TRAM2: variants seen among roughly 807,000 people sequenced by gnomAD.
TRAM2 encodes the protein translocating chain-associated membrane protein 2.
In TRAM2, 12 loss-of-function variants were observed where a neutral mutation model predicts 51.0. The observed-to-expected ratio is 0.24, with a 90% confidence interval of 0.15 to 0.38. The LOEUF is 0.38. Among genes scored for constraint, TRAM2 ranks in the 10% least tolerant of loss-of-function variants. The pLI is 1.00. For missense variants in TRAM2, 361 were observed against 462.0 expected (o/e 0.78, Z 2.00); for synonymous variants, 175 against 179.4 (o/e 0.98, Z 0.20).
chr6:52,539,208 CA>C (rs1043935877), intron 1 of TRAM2, among the ~76,000 whole-genome samples: 3 of 152,016 alleles, frequency 2.0e-5, no homozygotes, highest in African/African-American at 7.2e-5. Flanking sequence ...CAGAAAAATG[CA>C]AAAAATGTGG....
chr6:52,531,214 CTTG>C (rs1365108772), intron 2 of TRAM2, among the ~76,000 whole-genome samples: 1 of 149,760 alleles, frequency 6.7e-6, no homozygotes, highest in Non-Finnish European at 1.5e-5. Flanking sequence ...CCTTAACAGA[CTTG>C]TTATTGTAAA....
intron 10 of TRAM2, among the ~76,000 whole-genome samples, chr6:52,503,650 C>A (rs548597113): frequency 2.7e-4 from 41 of 152,284 alleles, no homozygotes; most frequent in Non-Finnish European, 1.9e-4. Flanking sequence ...GTCCTCAGTT[C>A]TTCTCAGGCC....
chr6:52,553,311 ATATG>A (rs1198383295), intron 1 of TRAM2, among the ~76,000 whole-genome samples: 1 of 152,230 alleles, frequency 6.6e-6, no homozygotes, highest in African/African-American at 2.4e-5. Flanking sequence ...TGGTAGAGAA[ATATG>A]TAACTCATTA....
At chr6:52,515,095 T>C (rs12213422) in intron 4 of TRAM2, among the ~76,000 whole-genome samples, 36,492 of 152,192 alleles carry the variant, frequency 0.24, 4,646 homozygotes, top group Non-Finnish European at 0.29. Context: ...TTCCTTGTGA[T>C]GGGAGCGCCC....
rs751957080 is a variant in TRAM2 at position 52,509,602 on chromosome 6, A to T, written c.412-16T>A. On this transcript the variant is annotated splice_polypyrimidine_tract_variant and intron_variant, in intron 4 of 10. Coordinates refer to ENST00000182527, the MANE Select transcript of TRAM2 (RefSeq NM_012288.4). ...AGTATCCTTCCTGCAGTGGGCAAGAAGAGAGACCATTTAGAGATGTGGACG... is the reference window on the plus strand; with the variant it reads ...AGTATCCTTCCTGCAGTGGGCAAGATGAGAGACCATTTAGAGATGTGGACG... The T allele has an allele frequency of 1.9e-6, 3 of 1,613,840 alleles. No homozygotes were observed. Among genetic ancestry groups the T allele is most frequent in the Non-Finnish European group, 8.5e-7 (1 of 1,179,840 alleles).
chr6:52,574,197 C>A (rs1429030118), intron 1 of TRAM2, among the ~76,000 whole-genome samples: 1 of 152,134 alleles, frequency 6.6e-6, no homozygotes, highest in African/African-American at 2.4e-5. Context: ...TAAGTGATAT[C>A]CAGCCAGTCC....
At chr6:52,567,012 TTC>T (rs1278052070) in intron 1 of TRAM2, among the ~76,000 whole-genome samples, 1 of 152,236 alleles carries the variant, frequency 6.6e-6, no homozygotes, top group Non-Finnish European at 1.5e-5. Context: ...TGTGTCCTTT[TTC>T]TCTGTGTTCC....
intron 1 of TRAM2, among the ~76,000 whole-genome samples, chr6:52,549,278 C>T (rs6914800): frequency 1.6e-4 from 24 of 146,320 alleles, no homozygotes; most frequent in Admixed American, 4.7e-4. Flanking sequence ...CTCCCTCCCT[C>T]CCTTCCTTCC....
At chr6:52,513,242 A>G (rs1766482762) in intron 4 of TRAM2, among the ~76,000 whole-genome samples, 1 of 152,248 alleles carries the variant, frequency 6.6e-6, no homozygotes, top group Non-Finnish European at 1.5e-5. Flanking sequence ...GAACTTCTCT[A>G]TATTGTTCAC....
intron 1 of TRAM2, among the ~76,000 whole-genome samples, chr6:52,539,208 C>G (rs1767032185): frequency 6.6e-6 from 1 of 152,016 alleles, no homozygotes; most frequent in Non-Finnish European, 1.5e-5. Context: ...CAGAAAAATG[C>G]AAAAAATGTG....
intron 1 of TRAM2, among the ~76,000 whole-genome samples, chr6:52,547,217 A>G (rs527358160): frequency 3.3e-5 from 5 of 152,214 alleles, no homozygotes; most frequent in Admixed American, 6.5e-5. Flanking sequence ...CATGGAGAGA[A>G]ATGTGGTTGG....
rs576886808 is a variant in TRAM2 at position 52,551,809 on chromosome 6, T to C, written c.121-15963A>G. 2.6e-5 allele frequency among the ~76,000 whole-genome samples: 4 copies of C among 152,262 alleles called. No individual in the cohort carries two copies. In the East Asian group the frequency reaches 7.7e-4, roughly 29 times the overall value. On this transcript the variant is annotated intron_variant, in intron 1 of 10. Transcript: ENST00000182527. ...AAAGGGGCCTCTGGAAGTGGAAAAA[T>C]AGGAAGGGAAGAGGAAGGGGTTTCA...
intron 1 of TRAM2, among the ~76,000 whole-genome samples, chr6:52,561,684 G>A (rs1261464644): frequency 6.6e-6 from 1 of 152,032 alleles, no homozygotes; most frequent in Admixed American, 6.6e-5. Flanking sequence ...TAGAGATGGG[G>A]TTTCACCATG....
At chr6:52,514,264 T>TA (rs561497674) in intron 4 of TRAM2, among the ~76,000 whole-genome samples, 4 of 148,586 alleles carry the variant, frequency 2.7e-5, no homozygotes, top group East Asian at 3.9e-4. Context: ...ATTATTTTTT[T>TA]AAAAAAACAA....
chr6:52,506,296 G>T (rs904958385), intron 7 of TRAM2, among the ~76,000 whole-genome samples, 160 bp from the exon 8 acceptor site: 25 of 152,130 alleles, frequency 1.6e-4, no homozygotes, highest in African/African-American at 5.3e-4. Context: ...ATTCAGTTTA[G>T]CTCTCACACC....
chr6:52,566,394 G>A (rs1479853308), intron 1 of TRAM2, among the ~76,000 whole-genome samples: 1 of 152,120 alleles, frequency 6.6e-6, no homozygotes, highest in African/African-American at 2.4e-5. Context: ...TTGCTTCCTG[G>A]TTGGGGGTTG....
intron 1 of TRAM2, among the ~76,000 whole-genome samples, chr6:52,560,914 G>C (rs1767487592): frequency 6.6e-6 from 1 of 152,036 alleles, no homozygotes; most frequent in Non-Finnish European, 1.5e-5. Flanking sequence ...CAAGACAACT[G>C]AACACGACAT....
Position 52,576,690 on chromosome 6 carries a change from C to T in TRAM2, c.120+106G>A, listed in dbSNP as rs551249769. 88 of 1,436,556 alleles carry T rather than the reference C, an allele frequency of 6.1e-5. No individual in the cohort carries two copies. The African/African-American group carries it at 8.1e-4, about 13-fold the overall frequency. The allele number at this position is 1,436,556 out of a possible 1,614,324, so 89.0% of individuals were successfully genotyped here. On this transcript the variant is annotated intron_variant, in intron 1 of 10. Transcript: ENST00000182527. ...GGGGTGCAGATAACGTACACGGCAG[C>T]CAGGAGCCTCCGATCAGAGGAGGGC...
rs145964489 is a variant in TRAM2 at position 52,509,088 on chromosome 6, G to C, written c.470+440C>G. Among the ~76,000 whole-genome samples the C allele has an allele frequency of 7.9e-4, 120 of 152,322 alleles. 1 individual carries two copies. The highest frequency in any genetic ancestry group is 2.8e-3 in the African/African-American group (115 of 41,566). On this transcript the variant is annotated intron_variant, in intron 5 of 10. Transcript: ENST00000182527. ...GGAAAGGCAAAGGGTGGCCTCCTGA[G>C]GGAGATGGCCCCAGGTATTGCCCTT...
Sources: allele counts gnomAD v4.1 joint callset (sites outside exome capture counted in the v4.1 genomes callset), GRCh38; gene constraint gnomAD v4.1.1; transcripts MANE v1.5; gene names NCBI Gene and HGNC (gene_info 2026-07-23, HGNC 2026-07-21).